Variants in CCDC62 observed in about 807,000 individuals in gnomAD.
The protein encoded by CCDC62 is coiled-coil domain containing 62.
A neutral mutation model predicts 80.8 loss-of-function variants in CCDC62; 72 were observed. The ratio of observed to expected loss-of-function variants is 0.89; its 90% CI spans 0.74 to 1.08. The LOEUF (loss-of-function observed/expected upper bound fraction) is 1.08. Ranked by LOEUF, CCDC62 falls within the 50% of genes least tolerant of loss-of-function variation. The pLI is 0.00. For missense variants in CCDC62, 704 were observed against 809.4 expected (o/e 0.87, Z 1.58); for synonymous variants, 286 against 296.5 (o/e 0.96, Z 0.36).
chr12:122,793,572 C>T (rs1341182950), intron 6 of CCDC62, among the ~76,000 whole-genome samples: 2 of 152,180 alleles, frequency 1.3e-5, no homozygotes, highest in East Asian at 1.9e-4. Flanking sequence ...CCTCAAACTC[C>T]TGGACTCAAG....
At chr12:122,785,646 A>G (rs2030165153) in intron 3 of CCDC62, 73 bp from the exon 4 acceptor site, 1 of 989,582 alleles carries the variant, frequency 1.0e-6, no homozygotes, top group Non-Finnish European at 1.6e-6. Flanking sequence ...AAGTAAGCGC[A>G]GATTGTGGCT....
Position 122,792,067 on chromosome 12 carries a change from A to G in CCDC62, c.718A>G (p.Ile240Val), listed in dbSNP as rs950740146. The G allele has an allele frequency of 8.7e-6, 14 of 1,614,130 alleles. No individual in the cohort carries two copies. Among genetic ancestry groups the G allele is most frequent in the Non-Finnish European group, 1.1e-5 (13 of 1,179,982 alleles). Residue 240 changes from isoleucine (I) to valine (V), a missense_variant, in exon 6 of 13, where the codon ATC becomes GTC. Transcript: ENST00000253079. ...AGAAAATAATGAGCAACGAGAAGAG[A>G]TCATTCGCCTCAAGCAAGAGAAAAG... ...TTENNEQREE[I>V]IRLKQEKSCL...
rs911839932 is a variant in CCDC62 at position 122,806,636 on chromosome 12, G to A, written c.1851+341G>A. Among the ~76,000 whole-genome samples, 10 of 151,502 alleles carry A rather than the reference G, an allele frequency of 6.6e-5. No individual in the cohort carries two copies. In the South Asian group the frequency reaches 1.3e-3, roughly 19 times the overall value. ...TGCAACTACAGGCACATGCCACCAC[G>A]CCCAGCTAATTTTCTCATTTTTTTG... On this transcript the variant is annotated intron_variant, in intron 10 of 12. Coordinates refer to ENST00000253079, the MANE Select transcript of CCDC62 (RefSeq NM_201435.5).
intron 8 of CCDC62, among the ~76,000 whole-genome samples, chr12:122,799,186 T>C (rs562305015): frequency 3.3e-5 from 5 of 152,350 alleles, no homozygotes; most frequent in African/African-American, 1.2e-4. Flanking sequence ...ATTTTAGTCA[T>C]GATCCTGATT....
chr12:122,802,169 C>T (rs2031353786), intron 9 of CCDC62, among the ~76,000 whole-genome samples: 1 of 152,100 alleles, frequency 6.6e-6, no homozygotes, highest in Non-Finnish European at 1.5e-5. Flanking sequence ...ACGGGTGGAT[C>T]GCTGCACAGA....
At chr12:122,777,414 T>C in intron 1 of CCDC62, 77 bp from the exon 2 acceptor site, 1 of 1,283,216 alleles carries the variant, frequency 7.8e-7, no homozygotes, top group Non-Finnish European at 1.1e-6. Context: ...GAAGATATAC[T>C]TATTTGGAAA....
chr12:122,792,227 A>G, intron 6 of CCDC62, 106 bp downstream of exon 6: 1 of 536,104 alleles, frequency 1.9e-6, no homozygotes, highest in Non-Finnish European at 3.4e-6. Context: ...TTTTTGAGAC[A>G]GGGTCTTTTT....
intron 11 of CCDC62, among the ~76,000 whole-genome samples, chr12:122,821,788 T>G (rs1238030558): frequency 6.6e-6 from 1 of 152,090 alleles, no homozygotes; most frequent in Non-Finnish European, 1.5e-5. Context: ...ATTGTATATA[T>G]TTACAGTGTA....
chr12:122,819,817 G>A (rs2032322957), intron 11 of CCDC62, among the ~76,000 whole-genome samples: 1 of 152,170 alleles, frequency 6.6e-6, no homozygotes, highest in African/African-American at 2.4e-5. Context: ...CACTTTGGGA[G>A]GCCAAGGTGG....
At chr12:122,812,143 G>T (rs1369604602) in intron 10 of CCDC62, among the ~76,000 whole-genome samples, 1 of 152,006 alleles carries the variant, frequency 6.6e-6, no homozygotes, top group Admixed American at 6.6e-5. Context: ...AACTGAGTAG[G>T]TTCTAAGAAA....
At chr12:122,784,928 C>T (rs1444538985) in intron 3 of CCDC62, among the ~76,000 whole-genome samples, 2 of 152,190 alleles carry the variant, frequency 1.3e-5, no homozygotes, top group Non-Finnish European at 1.5e-5. Flanking sequence ...CACCCGAAGT[C>T]AAGAGTTCGA....
chr12:122,787,688 T>G (rs1566071852), intron 4 of CCDC62, among the ~76,000 whole-genome samples: 1 of 151,030 alleles, frequency 6.6e-6, no homozygotes, highest in Non-Finnish European at 1.5e-5. Flanking sequence ...GAGGCAGAGG[T>G]TGTGGTAAGC....
chr12:122,810,497 G>A (rs1450575575), intron 10 of CCDC62, among the ~76,000 whole-genome samples: 3 of 152,224 alleles, frequency 2.0e-5, no homozygotes, highest in South Asian at 2.1e-4. Context: ...TTAGAATGGC[G>A]ATCATTAAAA....
At chr12:122,814,256 T>G (rs1450738130) in intron 11 of CCDC62, among the ~76,000 whole-genome samples, 9 of 128,674 alleles carry the variant, frequency 7.0e-5, no homozygotes, top group Non-Finnish European at 1.2e-4. Flanking sequence ...ACTCCAGCCT[T>G]GGCAATGAGC....
intron 4 of CCDC62, among the ~76,000 whole-genome samples, chr12:122,787,891 G>A (rs1333435891): frequency 6.6e-6 from 1 of 152,218 alleles, no homozygotes; most frequent in African/African-American, 2.4e-5. Flanking sequence ...GAAAGGGATT[G>A]ACTGTCGTGG....
intron 12 of CCDC62, 47 bp downstream of exon 12, chr12:122,823,506 A>G: frequency 1.1e-6 from 1 of 918,580 alleles, no homozygotes; most frequent in Non-Finnish European, 1.8e-6. Context: ...TTAATATTTA[A>G]TAAGTAACTT....
intron 3 of CCDC62, among the ~76,000 whole-genome samples, chr12:122,781,869 C>G (rs955347237): frequency 6.6e-6 from 1 of 151,464 alleles, no homozygotes; most frequent in African/African-American, 2.4e-5. Flanking sequence ...AAATGCCTGT[C>G]TCTATAAAAA....
At chr12:122,788,638 C>A in intron 4 of CCDC62, 120 bp from the exon 5 acceptor site, 1 of 633,422 alleles carries the variant, frequency 1.6e-6, no homozygotes. Flanking sequence ...TAAATGAATT[C>A]ATATGCGAAA....
At chr12:122,785,674 C>A in intron 3 of CCDC62, 45 bp from the exon 4 acceptor site, 1 of 1,312,044 alleles carries the variant, frequency 7.6e-7, no homozygotes, top group Non-Finnish European at 1.1e-6. Flanking sequence ...GTAGTGAAAG[C>A]TTTAAAAGGA....
Sources: allele counts gnomAD v4.1 joint callset (sites outside exome capture counted in the v4.1 genomes callset), GRCh38; gene constraint gnomAD v4.1.1; transcripts MANE v1.5; gene names NCBI Gene and HGNC (gene_info 2026-07-23, HGNC 2026-07-21).